The following AGTPBP1 variants were observed in gnomAD, a reference collection of about 807,000 sequenced individuals.
The protein encoded by AGTPBP1 is ATP/GTP binding carboxypeptidase 1.
Under a neutral mutation model 143.9 loss-of-function variants are expected in AGTPBP1, and 70 were observed. The observed-to-expected ratio is 0.49, with a 90% CI of 0.40 to 0.59. The LOEUF is 0.59. AGTPBP1 is among the 20% of genes least tolerant of loss of function. The probability of loss-of-function intolerance (pLI) is 0.00; values close to 1 mark genes in which losing one functional copy is unlikely to be tolerated. For missense variants in AGTPBP1, 1,229 were observed against 1,464.5 expected (o/e 0.84, Z 2.62); for synonymous variants, 463 against 500.2 (o/e 0.93, Z 0.99).
chr9:85,767,405 T>C, the AGTPBP1 span, among the ~76,000 whole-genome samples: 1 of 150,776 alleles, frequency 6.6e-6, no homozygotes, highest in Non-Finnish European at 1.5e-5. Flanking sequence ...TGGAGTGCAG[T>C]GGCGCGATCT....
chr9:85,732,543 T>C (rs983519558), intron 1 of AGTPBP1, among the ~76,000 whole-genome samples: 1 of 151,884 alleles, frequency 6.6e-6, no homozygotes, highest in Non-Finnish European at 1.5e-5. Context: ...TATCCCAATA[T>C]AAATCAAAAT....
intron 1 of AGTPBP1, among the ~76,000 whole-genome samples, chr9:85,736,459 T>G (rs1187858852): frequency 6.6e-6 from 1 of 152,188 alleles, no homozygotes; most frequent in Admixed American, 6.5e-5. Flanking sequence ...TATTCGAAAG[T>G]ATATATTATC....
At chr9:85,696,954 G>C (rs1434119677) in intron 2 of AGTPBP1, among the ~76,000 whole-genome samples, 1 of 152,138 alleles carries the variant, frequency 6.6e-6, no homozygotes, top group Non-Finnish European at 1.5e-5. Context: ...TATTTCCAAA[G>C]CACATTTTCA....
At chr9:85,667,444 TA>T (rs1372789696) in intron 8 of AGTPBP1, among the ~76,000 whole-genome samples, 4 of 152,002 alleles carry the variant, frequency 2.6e-5, no homozygotes, top group African/African-American at 9.7e-5. Context: ...AAAATAAAAC[TA>T]GATAAGTTAT....
chr9:85,585,890 G>A (rs185692807), intron 22 of AGTPBP1, among the ~76,000 whole-genome samples: 3 of 152,286 alleles, frequency 2.0e-5, no homozygotes, highest in African/African-American at 4.8e-5. Flanking sequence ...CAGTTGTGGT[G>A]ATTGCTGCCC....
chr9:85,792,595 T>G, the AGTPBP1 span, among the ~76,000 whole-genome samples: 941 of 152,330 alleles, frequency 6.2e-3, 12 homozygotes, highest in African/African-American at 0.022. Context: ...GTACATTAAA[T>G]GATATTTTCT....
At chr9:85,552,337 A>G (rs1482213800) in intron 25 of AGTPBP1, among the ~76,000 whole-genome samples, 1 of 152,184 alleles carries the variant, frequency 6.6e-6, no homozygotes, top group Non-Finnish European at 1.5e-5. Context: ...CCCTCACATT[A>G]AGCTATTAAG....
chr9:85,803,817 TG>T, the AGTPBP1 span, among the ~76,000 whole-genome samples: 1 of 152,244 alleles, frequency 6.6e-6, no homozygotes, highest in South Asian at 2.1e-4. Flanking sequence ...AAATCTAAAC[TG>T]ATCTTCTCTC....
intron 14 of AGTPBP1, among the ~76,000 whole-genome samples, chr9:85,623,998 C>T: frequency 6.6e-6 from 1 of 152,110 alleles, no homozygotes; most frequent in East Asian, 1.9e-4. Flanking sequence ...GCAGGACTGT[C>T]TAGAAAATAT....
rs570834912 is a variant in AGTPBP1, at chr9:85,623,744, G to A, written c.2016-2459C>T. On this transcript the variant is annotated intron_variant, in intron 14 of 25. Transcript: ENST00000357081. Reference sequence around the variant, plus strand: ...TGCACTCCAGCCTGGGCGACAGAGCGAGACTCTGTCTCAAAAAAAAAAAAA... The same window carrying A: ...TGCACTCCAGCCTGGGCGACAGAGCAAGACTCTGTCTCAAAAAAAAAAAAA... Among the ~76,000 whole-genome samples, 25 of 149,036 alleles carry A rather than the reference G, an allele frequency of 1.7e-4. 1 individual carries two copies. Among genetic ancestry groups the A allele is most frequent in the South Asian group, 4.2e-4 (2 of 4,708 alleles).
At chr9:85,694,693 T>A (rs1836115402) in intron 2 of AGTPBP1, among the ~76,000 whole-genome samples, 1 of 152,126 alleles carries the variant, frequency 6.6e-6, no homozygotes, top group African/African-American at 2.4e-5. Flanking sequence ...AGCCCACTTC[T>A]CTTCACTCAC....
intron 13 of AGTPBP1, 134 bp from the exon 14 acceptor site, chr9:85,633,508 T>C: frequency 1.6e-6 from 1 of 643,192 alleles, no homozygotes; most frequent in Non-Finnish European, 2.3e-6. Context: ...GGATATGTTT[T>C]CATTTCACTA....
At chr9:85,579,581 T>TG (rs1554693803) in intron 23 of AGTPBP1, among the ~76,000 whole-genome samples, 1 of 143,980 alleles carries the variant, frequency 6.9e-6, no homozygotes, top group Non-Finnish European at 1.5e-5. Flanking sequence ...CCCTGAGAAA[T>TG]TGTGTGTGTG....
At chr9:85,756,181 A>G in the AGTPBP1 span, 1 of 1,612,522 alleles carries the variant, frequency 6.2e-7, no homozygotes, top group African/African-American at 1.3e-5. Flanking sequence ...GGGAGGCCAT[A>G]GTTTCTAAGA....
intron 20 of AGTPBP1, 87 bp from the exon 21 acceptor site, chr9:85,588,565 C>T (rs1431449981): frequency 2.2e-6 from 3 of 1,348,776 alleles, no homozygotes; most frequent in Non-Finnish European, 3.1e-6. Context: ...ATGTCTCTAA[C>T]TCAATTGTGA....
intron 11 of AGTPBP1, among the ~76,000 whole-genome samples, chr9:85,647,417 C>G (rs554652458): frequency 3.3e-5 from 5 of 152,212 alleles, no homozygotes; most frequent in African/African-American, 1.2e-4. Context: ...GGTTAAAGAG[C>G]AGAAAGGAGT....
At chr9:85,695,245 C>T (rs1008400065) in intron 2 of AGTPBP1, among the ~76,000 whole-genome samples, 6 of 152,076 alleles carry the variant, frequency 3.9e-5, no homozygotes, top group East Asian at 3.9e-4. Flanking sequence ...CCAGGAAAAC[C>T]GACACAGTTG....
intron 1 of AGTPBP1, among the ~76,000 whole-genome samples, chr9:85,728,527 T>C (rs1838672352): frequency 6.6e-6 from 1 of 152,236 alleles, no homozygotes; most frequent in Non-Finnish European, 1.5e-5. Context: ...CTTAAGTTTT[T>C]TCTTACTTAA....
chr9:85,621,111 T>G, intron 15 of AGTPBP1, 91 bp downstream of exon 15: 2 of 664,996 alleles, frequency 3.0e-6, no homozygotes, highest in African/African-American at 1.9e-5. Flanking sequence ...ACTACCAACA[T>G]TTTTCACAGA....
Sources: allele counts gnomAD v4.1 joint callset (sites outside exome capture counted in the v4.1 genomes callset), GRCh38; gene constraint gnomAD v4.1.1; transcripts MANE v1.5; gene names NCBI Gene and HGNC (gene_info 2026-07-23, HGNC 2026-07-21).